The following DDC variants were observed in gnomAD, a reference collection of about 807,000 sequenced individuals.
DDC encodes aromatic-L-amino-acid decarboxylase.
In DDC, 43 loss-of-function variants were observed where a neutral mutation model predicts 60.0. The ratio of observed to expected loss-of-function variants is 0.72; its 90% confidence interval spans 0.56 to 0.92. The LOEUF is 0.92. Among genes scored for constraint, DDC ranks in the 40% least tolerant of loss-of-function variants. The pLI is 0.00. For synonymous variants in DDC, 232 were observed against 234.6 expected (o/e 0.99, Z 0.10); for missense variants, 573 against 620.2 (o/e 0.92, Z 0.81).
intron 6 of DDC, among the ~76,000 whole-genome samples, chr7:50,527,189 T>C (rs1423582095): frequency 6.6e-6 from 1 of 152,238 alleles, no homozygotes; most frequent in Admixed American, 6.5e-5. Flanking sequence ...TATGTAAGCC[T>C]TCTTTTTAAG....
chr7:50,462,776 T>G (rs2042308474), intron 14 of DDC, among the ~76,000 whole-genome samples: 2 of 143,858 alleles, frequency 1.4e-5, no homozygotes, highest in Admixed American at 6.8e-5. Context: ...TTGTTTTTTT[T>G]TTTTTTTTTT....
intron 1 of DDC, among the ~76,000 whole-genome samples, chr7:50,545,886 A>T (rs1010136534): frequency 5.3e-5 from 8 of 152,188 alleles, no homozygotes; most frequent in African/African-American, 1.7e-4. Flanking sequence ...TTTTCTCCAT[A>T]AGGCACGTCT....
intron 11 of DDC, among the ~76,000 whole-genome samples, chr7:50,473,146 C>T (rs2042569874): frequency 6.6e-6 from 1 of 152,060 alleles, no homozygotes; most frequent in Non-Finnish European, 1.5e-5. Context: ...GAGAAGATGC[C>T]GGGAAATACG....
At chr7:50,509,973 G>T (rs1030061306) in intron 6 of DDC, among the ~76,000 whole-genome samples, 3 of 144,808 alleles carry the variant, frequency 2.1e-5, no homozygotes, top group Non-Finnish European at 3.1e-5. Flanking sequence ...AGATACTTAC[G>T]TATCTTTTTT....
chr7:50,468,525 C>T (rs1405450839), intron 12 of DDC, among the ~76,000 whole-genome samples: 1 of 152,176 alleles, frequency 6.6e-6, no homozygotes, highest in African/African-American at 2.4e-5. Flanking sequence ...TTCTCGCCCC[C>T]AAACAGGTCC....
At chr7:50,553,420 A>G (rs902482253) in intron 1 of DDC, among the ~76,000 whole-genome samples, 1 of 149,736 alleles carries the variant, frequency 6.7e-6, no homozygotes, top group African/African-American at 2.5e-5. Context: ...CAGGCACAAC[A>G]CTAATTTGGC....
At chr7:50,550,858 G>A (rs1246634677) in intron 1 of DDC, among the ~76,000 whole-genome samples, 2 of 152,180 alleles carry the variant, frequency 1.3e-5, no homozygotes, top group Admixed American at 1.3e-4. Context: ...AAGGGCCTAA[G>A]ATATTTTCCT....
intron 9 of DDC, among the ~76,000 whole-genome samples, chr7:50,480,709 G>A (rs2042749030): frequency 6.6e-6 from 1 of 152,210 alleles, no homozygotes; most frequent in Non-Finnish European, 1.5e-5. Context: ...GAAAACCACA[G>A]AGGTTAGCAT....
chr7:50,512,990 A>G (rs1288907716), intron 6 of DDC, among the ~76,000 whole-genome samples: 1 of 152,222 alleles, frequency 6.6e-6, no homozygotes, highest in Non-Finnish European at 1.5e-5. Flanking sequence ...GCAGGACTAG[A>G]TTGAGATTGC....
In DDC at chr7:50,528,197, A is replaced by AC. The variant is rs1323801744; in HGVS notation, c.653dup (p.Ala219CysfsTer34). The AC allele has an allele frequency of 1.2e-6, 2 of 1,614,048 alleles. No individual in the cohort carries two copies. On this transcript the variant is annotated frameshift_variant, in exon 6 of 15. Transcript: ENST00000444124. LOFTEE classifies it high-confidence loss of function. ...CCAGGGCTTCCTGCAGGGCAGACGC[A>AC]CGCATGGCGAAGTTGCCATCTGAGG...
At chr7:50,528,306 T>G in intron 5 of DDC, 26 bp from the exon 6 acceptor site, 1 of 1,613,664 alleles carries the variant, frequency 6.2e-7, no homozygotes, top group East Asian at 2.2e-5. Context: ...CAGAGTTGGA[T>G]TTGTACAGGT....
intron 4 of DDC, 132 bp from the exon 5 acceptor site, chr7:50,529,474 T>G (rs908758738): frequency 4.7e-6 from 5 of 1,063,228 alleles, no homozygotes; most frequent in Non-Finnish European, 7.1e-6. Flanking sequence ...AAATTCACTC[T>G]CCTTTGCTTA....
At chr7:50,559,550 C>T (rs1176841333) in intron 1 of DDC, among the ~76,000 whole-genome samples, 1 of 152,154 alleles carries the variant, frequency 6.6e-6, no homozygotes, top group Non-Finnish European at 1.5e-5. Flanking sequence ...GCTTCAGCCC[C>T]CTGAGTAACT....
At chr7:50,459,246 G>C (rs890932616) in intron 14 of DDC, among the ~76,000 whole-genome samples, 3 of 152,356 alleles carry the variant, frequency 2.0e-5, no homozygotes, top group African/African-American at 7.2e-5. Context: ...GACGGAGTCT[G>C]GTTCACTCAG....
chr7:50,538,646 C>T (rs1404358752), intron 3 of DDC, among the ~76,000 whole-genome samples: 1 of 152,218 alleles, frequency 6.6e-6, no homozygotes, highest in African/African-American at 2.4e-5. Context: ...GGAGCCTATG[C>T]TCTCTGCTAG....
chr7:50,536,626 T>G (rs2044422139), intron 4 of DDC, among the ~76,000 whole-genome samples: 1 of 152,228 alleles, frequency 6.6e-6, no homozygotes, highest in Admixed American at 6.5e-5. Context: ...TTTAGCCCAG[T>G]AAGACCCAGG....
chr7:50,479,946 C>T (rs560542371), intron 9 of DDC, 83 bp from the exon 10 acceptor site: 1 of 1,045,010 alleles, frequency 9.6e-7, no homozygotes, highest in African/African-American at 1.7e-5. Context: ...CCTGCCTCAG[C>T]TCAGGCACCT....
intron 9 of DDC, among the ~76,000 whole-genome samples, chr7:50,481,310 T>G (rs13311361): frequency 0.55 from 83,691 of 151,874 alleles, 23,243 homozygotes; most frequent in Admixed American, 0.62. Flanking sequence ...ACCTAATTTT[T>G]TGTGTGTATA....
chr7:50,539,893 C>G, intron 3 of DDC, 22 bp downstream of exon 3: 1 of 1,591,614 alleles, frequency 6.3e-7, no homozygotes, highest in Non-Finnish European at 8.6e-7. Context: ...GACCCCTTCC[C>G]GAGGTGCATC....
Sources: gnomAD v4.1 joint callset for allele counts (sites outside exome capture counted in the v4.1 genomes callset) on GRCh38, gnomAD v4.1.1 for gene constraint, MANE v1.5 for transcripts, NCBI Gene and HGNC (gene_info 2026-07-23, HGNC 2026-07-21) for gene names.